Variants in HYDIN observed in about 807,000 individuals in gnomAD.
The protein encoded by HYDIN is HYDIN axonemal central pair apparatus protein.
In HYDIN, 132 loss-of-function variants were observed where a neutral mutation model predicts 403.9. That is an observed-to-expected ratio of 0.33 (90% CI 0.28 to 0.38). The LOEUF is 0.38. Among genes scored for constraint, HYDIN ranks in the 10% least tolerant of loss-of-function variants. The probability of loss-of-function intolerance (pLI) is 1.00; values close to 1 mark genes in which losing one functional copy is unlikely to be tolerated. For missense variants in HYDIN, 2,827 were observed against 5,009.5 expected (o/e 0.56, Z 13.15); for synonymous variants, 1,202 against 1,891.7 (o/e 0.64, Z 9.46).
intron 73 of HYDIN, chr16:70,852,665 A>G (rs2038733068): frequency 6.6e-6 from 1 of 151,618 alleles, no homozygotes; most frequent in Non-Finnish European, 1.5e-5. Context: ...CATTTCACTG[A>G]GGAGGATCCA....
intron 18 of HYDIN, among the ~76,000 whole-genome samples, chr16:71,045,788 A>G (rs1192912685): frequency 2.0e-5 from 1 of 51,234 alleles, no homozygotes; most frequent in Non-Finnish European, 4.1e-5. Context: ...TCTAAATAGC[A>G]AATTATTTCT....
At position 70,955,531 on chromosome 16, in the gene HYDIN, C is replaced by T. The variant is rs767328082; in HGVS notation, c.6160G>A (p.Val2054Ile). 90 of 1,497,762 alleles carry T rather than the reference C, an allele frequency of 6.0e-5. No individual in the cohort carries two copies. The highest frequency in any genetic ancestry group is 1.9e-4 in the Middle Eastern group (1 of 5,186). The allele number at this position is 1,497,762 out of a possible 1,614,324, so 92.8% of individuals were successfully genotyped here. ...GCGTTGTAGTACTTGGCCACGCTAACGGCATTGGCTGACTTTCCTATTAAA... is the reference window on the plus strand; with the variant it reads ...GCGTTGTAGTACTTGGCCACGCTAATGGCATTGGCTGACTTTCCTATTAAA... ...TPLSGKSANAVSVAKYYNAAC... is the reference protein window; with the variant it reads ...TPLSGKSANAISVAKYYNAAC... Residue 2054 changes from valine (V) to isoleucine (I), a missense_variant, in exon 40 of 86, where the codon GTT (valine) becomes ATT (isoleucine). Transcript: ENST00000393567.
intron 45 of HYDIN, among the ~76,000 whole-genome samples, chr16:70,934,560 T>C (rs2077444707): frequency 6.6e-6 from 1 of 152,174 alleles, no homozygotes; most frequent in Admixed American, 6.5e-5. Context: ...CAGCAGTTTT[T>C]CTTCAGCTTA....
intron 5 of HYDIN, among the ~76,000 whole-genome samples, chr16:71,164,821 G>C (rs972733080): frequency 1.3e-3 from 186 of 141,450 alleles, no homozygotes; most frequent in African/African-American, 4.8e-3. Flanking sequence ...CCTTTTTCTA[G>C]TACCCACAAA....
At position 70,981,405 on chromosome 16, in the gene HYDIN, G is replaced by C; in HGVS notation, c.4496C>G (p.Pro1499Arg). Residue 1499 changes from proline (P) to arginine (R), a missense_variant, in exon 29 of 86, where the codon CCC becomes CGC. By Grantham distance (103) the Pro-to-Arg change is moderately radical. Transcript: ENST00000393567. The part of the protein sequence containing the change: ...GIFPQICLDL[P>R]RNLTANEKYE... ...TGAAGTACTACCTGTGAGGTTCCTGGGGAGATCGAGGCAGATTTGGGGAAA... is the reference window on the plus strand; with the variant it reads ...TGAAGTACTACCTGTGAGGTTCCTGCGGAGATCGAGGCAGATTTGGGGAAA... The C allele has an allele frequency of 6.2e-7, 1 of 1,613,500 alleles. No homozygotes were observed. Among genetic ancestry groups the C allele is most frequent in the South Asian group, 1.1e-5 (1 of 91,016 alleles).
chr16:71,115,838 G>A (rs1288406019), intron 9 of HYDIN, 43 bp from the exon 10 acceptor site: 1 of 759,424 alleles, frequency 1.3e-6, no homozygotes, highest in African/African-American at 1.8e-5. Context: ...TATGACAAAA[G>A]AAAGACACTG....
At chr16:71,046,548 T>C (rs1281417384) in intron 18 of HYDIN, among the ~76,000 whole-genome samples, 1 of 152,110 alleles carries the variant, frequency 6.6e-6, no homozygotes, top group Non-Finnish European at 1.5e-5. Context: ...TCATTGCAAC[T>C]GACATTAAAA....
At chr16:71,002,094 C>T (rs892192624) in intron 23 of HYDIN, among the ~76,000 whole-genome samples, 2 of 152,198 alleles carry the variant, frequency 1.3e-5, no homozygotes, top group African/African-American at 2.4e-5. Context: ...AGTATGTAGA[C>T]TGATCATCTG....
chr16:71,135,809 A>G (rs1447184475), intron 8 of HYDIN, among the ~76,000 whole-genome samples: 3 of 144,312 alleles, frequency 2.1e-5, no homozygotes, highest in Admixed American at 7.0e-5. Context: ...TCATTTTTTA[A>G]AAGATGGCAC....
chr16:71,167,172 A>G (rs530761975), intron 5 of HYDIN, among the ~76,000 whole-genome samples: 5 of 152,194 alleles, frequency 3.3e-5, no homozygotes, highest in Middle Eastern at 3.4e-3. Flanking sequence ...CCAGATGGTA[A>G]TGCCAGACTC....
chr16:71,228,869 C>A (rs138404382), intron 1 of HYDIN, among the ~76,000 whole-genome samples: 376 of 152,130 alleles, frequency 2.5e-3, no homozygotes, highest in Non-Finnish European at 4.5e-3. Context: ...ATGTTTATTG[C>A]GGCACTATTC....
chr16:70,941,314 C>A, intron 43 of HYDIN: 1 of 193,004 alleles, frequency 5.2e-6, no homozygotes, highest in Non-Finnish European at 1.0e-5. Flanking sequence ...TGTATTAGCA[C>A]CGTGAGTTTT....
chr16:71,056,378 C>T (rs1301592316), intron 18 of HYDIN, among the ~76,000 whole-genome samples: 15 of 151,882 alleles, frequency 9.9e-5, no homozygotes, highest in Admixed American at 9.9e-4. Context: ...TCATTCCATA[C>T]TATATGAAGA....
At chr16:70,945,928 G>A (rs1268856266) in intron 41 of HYDIN, among the ~76,000 whole-genome samples, 1 of 152,200 alleles carries the variant, frequency 6.6e-6, no homozygotes, top group South Asian at 2.1e-4. Context: ...CAGGCAATGC[G>A]GCAATTCTTT....
At chr16:70,834,498 G>T (rs1175609558) in intron 78 of HYDIN, among the ~76,000 whole-genome samples, 2 of 151,958 alleles carry the variant, frequency 1.3e-5, no homozygotes, top group African/African-American at 4.8e-5. Context: ...AACAGTTAGA[G>T]CTCTGGCACT....
intron 5 of HYDIN, among the ~76,000 whole-genome samples, chr16:71,169,810 A>G (rs185245367): frequency 3.9e-5 from 6 of 152,328 alleles, no homozygotes; most frequent in African/African-American, 1.4e-4. Flanking sequence ...AAATGTTCTC[A>G]CTACAAAAAA....
intron 41 of HYDIN, among the ~76,000 whole-genome samples, chr16:70,945,247 C>T (rs1006913379): frequency 1.3e-5 from 2 of 152,064 alleles, no homozygotes; most frequent in African/African-American, 2.4e-5. Flanking sequence ...AGTAGGACTT[C>T]GGATGGAACA....
chr16:71,098,484 G>A (rs907580603), intron 10 of HYDIN, among the ~76,000 whole-genome samples: 9 of 151,696 alleles, frequency 5.9e-5, no homozygotes, highest in African/African-American at 1.7e-4. Flanking sequence ...TTACAGGCGT[G>A]AGCCACCGCG....
At chr16:71,047,356 G>T (rs1210443973) in intron 18 of HYDIN, among the ~76,000 whole-genome samples, 4 of 146,626 alleles carry the variant, frequency 2.7e-5, no homozygotes, top group Non-Finnish European at 6.0e-5. Flanking sequence ...TCTCAGTGTG[G>T]TTTATAATCA....
Sources: allele counts gnomAD v4.1 joint callset (sites outside exome capture counted in the v4.1 genomes callset), GRCh38; gene constraint gnomAD v4.1.1; transcripts MANE v1.5; gene names NCBI Gene and HGNC (gene_info 2026-07-23, HGNC 2026-07-21).